BCAS3: variants seen among roughly 807,000 people sequenced by gnomAD.
BCAS3 encodes the protein BCAS3 microtubule associated cell migration factor.
BCAS3 carries 53 observed loss-of-function variants against 116.1 expected under a neutral mutation model. The observed-to-expected ratio is 0.46, with a 90% CI of 0.37 to 0.57. BCAS3 has a LOEUF of 0.57. Ranked by LOEUF, BCAS3 falls within the 20% of genes least tolerant of loss-of-function variation. The pLI is 0.00. For synonymous variants in BCAS3, 391 were observed against 408.2 expected, an observed-to-expected ratio of 0.96 and a Z score of 0.51; for missense variants, 917 against 1,165.4, an observed-to-expected ratio of 0.79 and a Z score of 3.10.
chr17:60,945,896 G>A (rs1211015950), intron 13 of BCAS3, among the ~76,000 whole-genome samples: 12 of 152,012 alleles, frequency 7.9e-5, no homozygotes, highest in African/African-American at 2.4e-4. Flanking sequence ...TGAGTCCGGC[G>A]GATCATGAGG....
Position 61,309,936 on chromosome 17 carries a change from T to C in BCAS3, c.2426-58391T>C, listed in dbSNP as rs1602583071. On this transcript the variant is annotated intron_variant, in intron 22 of 23. Transcript: ENST00000407086. This position sits in a 1 kb window ranked among gnomAD's most constrained non-coding sequence, Gnocchi z 4.6. ...GAAAATGAAGGGAAACGCTTATGCT[T>C]AAAGCAGTTTTCCTTTGAAAAACTA... is the stretch of plus-strand genomic sequence containing the variant. 6.6e-6 allele frequency among the ~76,000 whole-genome samples: 1 copy of C among 152,198 alleles called. No individual in the cohort carries two copies. Among genetic ancestry groups the C allele is most frequent in the East Asian group, 1.9e-4 (1 of 5,194 alleles).
chr17:60,833,262 T>C (rs777569187), intron 7 of BCAS3, among the ~76,000 whole-genome samples: 25 of 152,204 alleles, frequency 1.6e-4, no homozygotes, highest in Non-Finnish European at 3.4e-4. Context: ...TATCTAATCT[T>C]CTTGAAATAC....
chr17:61,330,538 G>T (rs926652332), intron 22 of BCAS3, among the ~76,000 whole-genome samples: 1 of 152,322 alleles, frequency 6.6e-6, no homozygotes, highest in Admixed American at 6.5e-5. Flanking sequence ...TATGAAAGAG[G>T]TCAGCATGTG....
intron 5 of BCAS3, among the ~76,000 whole-genome samples, chr17:60,729,770 C>A (rs890326914): frequency 1.3e-5 from 2 of 152,124 alleles, no homozygotes; most frequent in Non-Finnish European, 2.9e-5. Flanking sequence ...TGTTGCACTG[C>A]TTTCTCTCTT....
At chr17:61,117,249 A>G (rs893823095) in intron 22 of BCAS3, among the ~76,000 whole-genome samples, 2 of 152,116 alleles carry the variant, frequency 1.3e-5, no homozygotes, top group African/African-American at 4.8e-5. Context: ...CTGTTACTGA[A>G]CGCATCCACT....
In BCAS3 at chr17:61,116,375, C is replaced by T. The variant is rs1017558400; in HGVS notation, c.2425+31811C>T. On this transcript the variant is annotated intron_variant, in intron 22 of 23. Coordinates refer to ENST00000407086, the MANE Select transcript of BCAS3 (RefSeq NM_017679.5). ...AACTTATCACAGTCTACTGGTATCA[C>T]TATTTCACCAATTTGAGTGTAGCCC... 5.3e-4 allele frequency among the ~76,000 whole-genome samples: 81 copies of T among 152,114 alleles called. 1 individual carries two copies. Among genetic ancestry groups the T allele is most frequent in the Admixed American group, 5.2e-3 (80 of 15,266 alleles).
chr17:61,369,194 G>A (rs558652697), intron 23 of BCAS3, among the ~76,000 whole-genome samples: 1 of 152,282 alleles, frequency 6.6e-6, no homozygotes, highest in South Asian at 2.1e-4. Context: ...ACCCTTCTTT[G>A]TTCTAGATAG....
intron 22 of BCAS3, among the ~76,000 whole-genome samples, chr17:61,114,839 A>G (rs1331728310): frequency 6.6e-6 from 1 of 150,798 alleles, no homozygotes; most frequent in Non-Finnish European, 1.5e-5. Context: ...ACTTCAAACT[A>G]TACTACAAGG....
chr17:60,802,338 A>G (rs1382944811), intron 6 of BCAS3, among the ~76,000 whole-genome samples: 1 of 144,600 alleles, frequency 6.9e-6, no homozygotes, highest in East Asian at 1.9e-4. Flanking sequence ...ATATTTATAT[A>G]AATACAAATA....
In BCAS3 at chr17:60,857,042, A is replaced by G. The variant is rs569510200; in HGVS notation, c.477-11534A>G. On this transcript the variant is annotated intron_variant, in intron 7 of 23. Transcript: ENST00000407086. ...GGGTCAAATGTACAGTAGGTAACAG[A>G]TTGTTCTGATAAAATTTCAACACAC... 1.1e-3 allele frequency among the ~76,000 whole-genome samples: 167 copies of G among 152,328 alleles called. 2 individuals are homozygous for G. In the South Asian group the frequency reaches 0.023, roughly 21 times the overall value.
intron 5 of BCAS3, among the ~76,000 whole-genome samples, chr17:60,727,802 C>G (rs929042080): frequency 6.0e-5 from 9 of 150,180 alleles, no homozygotes; most frequent in African/African-American, 2.0e-4. Flanking sequence ...TGGTGGTATA[C>G]TTTTTTCCTT....
At position 61,300,174 on chromosome 17, in the gene BCAS3, G is replaced by A. The variant is rs1279434826; in HGVS notation, c.2426-68153G>A. 6.6e-6 allele frequency among the ~76,000 whole-genome samples: 1 copy of A among 152,102 alleles called. No individual in the cohort carries two copies. Among genetic ancestry groups the A allele is most frequent in the Non-Finnish European group, 1.5e-5 (1 of 68,024 alleles). On this transcript the variant is annotated intron_variant, in intron 22 of 23. Transcript: ENST00000407086. This position sits in a 1 kb window ranked among gnomAD's most constrained non-coding sequence, Gnocchi z 5.1. ...ATTAGAAGTAAATACAGCTTATACT[G>A]AAAGGACAAAACAGCCAGCCAGTCT...
At chr17:60,816,641 T>A (rs2049445050) in intron 7 of BCAS3, among the ~76,000 whole-genome samples, 1 of 152,178 alleles carries the variant, frequency 6.6e-6, no homozygotes, top group Non-Finnish European at 1.5e-5. Flanking sequence ...AAAGTGTCAG[T>A]CAAAGTCAAA....
intron 22 of BCAS3, among the ~76,000 whole-genome samples, chr17:61,175,212 A>C (rs1315581693): frequency 6.6e-6 from 1 of 152,114 alleles, no homozygotes; most frequent in Non-Finnish European, 1.5e-5. Context: ...TTCGAGATCA[A>C]CCTGAGCAAC....
rs2056855734 is a variant in BCAS3, at chr17:60,888,066, TAA to T, written c.662-1626_662-1625del. ...TTACCTGGAGGCAAAGATTAATCTTTAAAAGAGTCATGCTTATAAGGTTGGGA... is the reference window on the plus strand; with the variant it reads ...TTACCTGGAGGCAAAGATTAATCTTTAAGAGTCATGCTTATAAGGTTGGGA... On this transcript the variant is annotated intron_variant, in intron 9 of 23. Transcript: ENST00000407086. Among the ~76,000 whole-genome samples, 4 of 152,308 alleles carry T rather than the reference TAA, an allele frequency of 2.6e-5. No individual in the cohort carries two copies. In the South Asian group the frequency reaches 8.3e-4, roughly 32 times the overall value.
In BCAS3 at chr17:61,004,857, T is replaced by C. The variant is rs1242827998; in HGVS notation, c.1487-10894T>C. ...CTGTTGTTGTTGGCTTCAGAAGAAATAGAGCATTCCATTTTCTGTGTTAAG... is the reference window on the plus strand; with the variant it reads ...CTGTTGTTGTTGGCTTCAGAAGAAACAGAGCATTCCATTTTCTGTGTTAAG... On this transcript the variant is annotated intron_variant, in intron 15 of 23. Transcript: ENST00000407086. This position sits in a 1 kb window ranked among gnomAD's most constrained non-coding sequence, Gnocchi z 4.8. 6.6e-6 allele frequency among the ~76,000 whole-genome samples: 1 copy of C among 152,106 alleles called. No homozygotes were observed. The highest frequency in any genetic ancestry group is 1.9e-4 in the East Asian group (1 of 5,196).
At chr17:60,953,259 A>G (rs541995586) in intron 14 of BCAS3, among the ~76,000 whole-genome samples, 19 of 152,166 alleles carry the variant, frequency 1.2e-4, no homozygotes, top group Non-Finnish European at 1.9e-4. Context: ...TTTTCTCCAC[A>G]ACCTAAGGAG....
chr17:60,827,424 T>C (rs1290062771), intron 7 of BCAS3, among the ~76,000 whole-genome samples: 2 of 152,234 alleles, frequency 1.3e-5, no homozygotes, highest in African/African-American at 4.8e-5. Flanking sequence ...ATCTGGTGCT[T>C]GTGCTACAGA....
chr17:61,218,748 C>T (rs1307382415), intron 22 of BCAS3, among the ~76,000 whole-genome samples: 1 of 152,182 alleles, frequency 6.6e-6, no homozygotes, highest in Admixed American at 6.5e-5. Flanking sequence ...GCTATGAGGA[C>T]AGAGACTTAG....
Sources: gnomAD v4.1 joint callset for allele counts (sites outside exome capture counted in the v4.1 genomes callset) on GRCh38, gnomAD v4.1.1 for gene constraint, Gnocchi (gnomAD v3.1) non-coding constraint, MANE v1.5 for transcripts, NCBI Gene and HGNC (gene_info 2026-07-23, HGNC 2026-07-21) for gene names.